SPMIP2: variants seen among roughly 807,000 people sequenced by gnomAD.
SPMIP2 encodes sperm microtubule inner protein 2.
At chr4:158,956,432 G>A in the SPMIP2 span, among the ~76,000 whole-genome samples, 1 of 152,198 alleles carries the variant, frequency 6.6e-6, no homozygotes, top group Non-Finnish European at 1.5e-5. Context: ...GCATGATGGT[G>A]CATGCCTGTA....
the SPMIP2 span, among the ~76,000 whole-genome samples, chr4:158,918,527 C>T: frequency 2.0e-5 from 3 of 152,286 alleles, no homozygotes; most frequent in South Asian, 4.1e-4. Context: ...ACATGTTATA[C>T]AAGTAACTAT....
chr4:159,051,063 C>T, the SPMIP2 span, among the ~76,000 whole-genome samples: 4 of 150,406 alleles, frequency 2.7e-5, no homozygotes, highest in African/African-American at 4.9e-5. Context: ...GCCAAGATCG[C>T]GCCACTGCAC....
At chr4:159,011,173 A>G in the SPMIP2 span, among the ~76,000 whole-genome samples, 6 of 152,336 alleles carry the variant, frequency 3.9e-5, no homozygotes, top group African/African-American at 9.6e-5. Context: ...TTTTACTTCA[A>G]TCTGTCTTTC....
chr4:158,962,218 T>C, the SPMIP2 span, among the ~76,000 whole-genome samples: 16 of 152,180 alleles, frequency 1.1e-4, no homozygotes, highest in African/African-American at 3.9e-4. Context: ...TAGTTAAAAA[T>C]TAAAATCATT....
chr4:158,896,777 G>A, the SPMIP2 span, among the ~76,000 whole-genome samples: 3 of 132,184 alleles, frequency 2.3e-5, no homozygotes, highest in East Asian at 4.4e-4. Context: ...TCTCTTTGTC[G>A]TTTTTTTTTT....
At chr4:159,081,164 A>C in the SPMIP2 span, among the ~76,000 whole-genome samples, 1 of 151,622 alleles carries the variant, frequency 6.6e-6, no homozygotes, top group Non-Finnish European at 1.5e-5. Flanking sequence ...CAGCCTCCCA[A>C]GTAGCTGGGA....
the SPMIP2 span, among the ~76,000 whole-genome samples, chr4:159,070,855 T>C: frequency 6.6e-6 from 1 of 152,194 alleles, no homozygotes; most frequent in South Asian, 2.1e-4. Context: ...TATTTGGTTT[T>C]ATGAATGTTT....
chr4:158,907,851 A>C, the SPMIP2 span: 1 of 152,212 alleles, frequency 6.6e-6, no homozygotes, highest in East Asian at 1.9e-4. Flanking sequence ...GCTTAAACTT[A>C]AGTGGTATTT....
the SPMIP2 span, among the ~76,000 whole-genome samples, chr4:158,965,250 ATTT>A: frequency 0.52 from 78,904 of 150,594 alleles, 21,753 homozygotes; most frequent in South Asian, 0.64. Flanking sequence ...ATACACCAGG[ATTT>A]TTTTTTTTTT....
chr4:158,910,705 C>A, the SPMIP2 span, among the ~76,000 whole-genome samples: 1 of 152,186 alleles, frequency 6.6e-6, no homozygotes. Flanking sequence ...GACTGAAGAT[C>A]CCCCAGGGAG....
At chr4:159,007,984 C>T in the SPMIP2 span, 8 of 364,328 alleles carry the variant, frequency 2.2e-5, no homozygotes, top group Non-Finnish European at 3.2e-5. Context: ...CGCCTGTAGT[C>T]CCAGCTACTT....
chr4:158,988,333 T>C, the SPMIP2 span, among the ~76,000 whole-genome samples: 2 of 152,190 alleles, frequency 1.3e-5, no homozygotes, highest in Non-Finnish European at 2.9e-5. Flanking sequence ...GCTGGTACCA[T>C]TCCTTCTCAA....
the SPMIP2 span, among the ~76,000 whole-genome samples, chr4:158,942,568 G>A: frequency 6.6e-6 from 1 of 152,080 alleles, no homozygotes; most frequent in South Asian, 2.1e-4. Flanking sequence ...TCAGGAGTTC[G>A]AAACCAGCCT....
At chr4:158,998,712 C>T in the SPMIP2 span, among the ~76,000 whole-genome samples, 2 of 152,248 alleles carry the variant, frequency 1.3e-5, no homozygotes, top group African/African-American at 2.4e-5. Flanking sequence ...AGAATCGCGC[C>T]GGTTTTACCC....
chr4:158,907,757 T>A, the SPMIP2 span: 1 of 152,210 alleles, frequency 6.6e-6, no homozygotes, highest in Non-Finnish European at 1.5e-5. Context: ...AATTTTTGCC[T>A]AAATCAAGAA....
chr4:159,007,495 G>T, the SPMIP2 span: 1 of 765,396 alleles, frequency 1.3e-6, no homozygotes, highest in Middle Eastern at 3.9e-4. Context: ...CAGGGATCCA[G>T]CACCTGATCC....
chr4:158,938,343 T>C, the SPMIP2 span, among the ~76,000 whole-genome samples: 5 of 152,324 alleles, frequency 3.3e-5, no homozygotes, highest in East Asian at 9.6e-4. Context: ...CTCTCCTCTA[T>C]AAGGGAAGCA....
chr4:158,992,431 G>A, the SPMIP2 span, among the ~76,000 whole-genome samples: 1 of 152,110 alleles, frequency 6.6e-6, no homozygotes, highest in Non-Finnish European at 1.5e-5. Context: ...AACATAGATG[G>A]TTTTTCCCTA....
the SPMIP2 span, among the ~76,000 whole-genome samples, chr4:158,921,458 A>G: frequency 2.1e-3 from 319 of 152,136 alleles, no homozygotes; most frequent in Non-Finnish European, 3.8e-3. Context: ...TAAAAAAAAA[A>G]GGAAAAAGAA....
Sources: gnomAD v4.1 joint callset for allele counts (sites outside exome capture counted in the v4.1 genomes callset) on GRCh38, gnomAD v4.1.1 for gene constraint, MANE v1.5 for transcripts, NCBI Gene and HGNC (gene_info 2026-07-23, HGNC 2026-07-21) for gene names.